The following SLC9A4 variants were observed in gnomAD, a reference collection of about 807,000 sequenced individuals.
SLC9A4 encodes the protein solute carrier family 9 member A4.
In SLC9A4, 63 loss-of-function variants were observed where a neutral mutation model predicts 67.4. The ratio of observed to expected loss-of-function variants is 0.93; its 90% confidence interval spans 0.76 to 1.15. The LOEUF is 1.15. Among genes scored for constraint, SLC9A4 ranks in the 50% most tolerant of loss-of-function variants. The pLI is 0.00. For missense variants in SLC9A4, 1,089 were observed against 987.7 expected (o/e 1.10, Z -1.38); for synonymous variants, 393 against 367.2 (o/e 1.07, Z -0.80).
intron 4 of SLC9A4, among the ~76,000 whole-genome samples, chr2:102,507,211 A>G (rs1171162545): frequency 2.0e-5 from 3 of 152,234 alleles, no homozygotes; most frequent in East Asian, 1.9e-4. Flanking sequence ...CAATATTTTA[A>G]AAAGTAAATT....
chr2:102,523,323 G>A (rs1302580962), intron 9 of SLC9A4, among the ~76,000 whole-genome samples: 1 of 152,028 alleles, frequency 6.6e-6, no homozygotes, highest in Non-Finnish European at 1.5e-5. Context: ...TCTATTTTGT[G>A]AGGGTTACTT....
intron 2 of SLC9A4, among the ~76,000 whole-genome samples, chr2:102,498,297 T>C (rs986829702): frequency 2.6e-5 from 4 of 152,248 alleles, no homozygotes; most frequent in African/African-American, 9.6e-5. Flanking sequence ...CTTAATTATA[T>C]GTACTACTTT....
chr2:102,479,849 C>T (rs1195699716), intron 2 of SLC9A4, among the ~76,000 whole-genome samples: 1 of 152,082 alleles, frequency 6.6e-6, no homozygotes. Context: ...GTGAATGAGG[C>T]GTTTTTGCTT....
intron 2 of SLC9A4, among the ~76,000 whole-genome samples, chr2:102,482,780 A>C (rs1022709993): frequency 3.3e-5 from 5 of 152,326 alleles, no homozygotes; most frequent in African/African-American, 9.6e-5. Context: ...TTCATAAATT[A>C]TTACAGAGGT....
In SLC9A4 at chr2:102,532,494, G is replaced by T. The variant is rs1385728811; in HGVS notation, c.2203G>T (p.Glu735Ter). Residue 735 changes from glutamate (E) to a stop codon, truncating the protein, a stop_gained, in exon 12 of 12, where the codon GAG becomes TAG. Coordinates refer to ENST00000295269, the MANE Select transcript of SLC9A4 (RefSeq NM_001011552.4). LOFTEE classifies it low-confidence loss of function (END_TRUNC). ...FGYQRNTSQE[E>*]YLGGVRRVAL... is the part of the protein sequence containing the mutation. The stretch of plus-strand genomic sequence containing the variant: ...TTATCAAAGAAACACAAGCCAAGAA[G>T]AGTACTTGGGTGGAGTAAGGAGGGT... 6.2e-7 allele frequency: 1 copy of T among 1,614,188 alleles called. No individual in the cohort carries two copies. Among genetic ancestry groups the T allele is most frequent in the South Asian group, 1.1e-5 (1 of 91,076 alleles).
intron 11 of SLC9A4, 48 bp from the exon 12 acceptor site, chr2:102,532,282 T>C: frequency 6.4e-7 from 1 of 1,557,304 alleles, no homozygotes; most frequent in Non-Finnish European, 8.7e-7. Context: ...GTCTTAACTC[T>C]GATCTTAAGT....
intron 8 of SLC9A4, among the ~76,000 whole-genome samples, chr2:102,519,356 AT>A (rs1310666796): frequency 3.9e-5 from 6 of 152,236 alleles, no homozygotes; most frequent in Non-Finnish European, 8.8e-5. Context: ...ATAAATGCTA[AT>A]CAAAATGTGG....
chr2:102,481,927 TAC>T (rs1684473438), intron 2 of SLC9A4, among the ~76,000 whole-genome samples: 2 of 151,968 alleles, frequency 1.3e-5, no homozygotes. Flanking sequence ...GCAACAATAG[TAC>T]AGAGAGGAAA....
intron 2 of SLC9A4, among the ~76,000 whole-genome samples, chr2:102,498,771 G>A (rs1684861900): frequency 6.6e-6 from 1 of 152,040 alleles, no homozygotes; most frequent in Non-Finnish European, 1.5e-5. Context: ...CAAATACTCA[G>A]CCCAGGTTTT....
chr2:102,529,549 C>A (rs1674735607), intron 11 of SLC9A4, among the ~76,000 whole-genome samples: 1 of 152,132 alleles, frequency 6.6e-6, no homozygotes. Flanking sequence ...AAATAATAAA[C>A]CATGATACAT....
intron 8 of SLC9A4, among the ~76,000 whole-genome samples, chr2:102,516,377 T>C (rs1263008932): frequency 6.6e-6 from 1 of 152,190 alleles, no homozygotes; most frequent in Non-Finnish European, 1.5e-5. Flanking sequence ...TCATCAGAAA[T>C]CTGTAGGACG....
At chr2:102,503,962 A>G (rs1359946115) in intron 3 of SLC9A4, among the ~76,000 whole-genome samples, 1 of 152,214 alleles carries the variant, frequency 6.6e-6, no homozygotes, top group Non-Finnish European at 1.5e-5. Flanking sequence ...TCAATTTAGA[A>G]GGCTCAGGAA....
At chr2:102,526,606 A>G (rs1674670652) in intron 11 of SLC9A4, among the ~76,000 whole-genome samples, 1 of 152,152 alleles carries the variant, frequency 6.6e-6, no homozygotes, top group Admixed American at 6.6e-5. Context: ...TGTACTAACC[A>G]TTTGTAGTTG....
chr2:102,509,002 G>A, intron 6 of SLC9A4, 69 bp downstream of exon 6: 6 of 1,294,982 alleles, frequency 4.6e-6, no homozygotes, highest in Non-Finnish European at 6.6e-6. Flanking sequence ...TGAGACATGT[G>A]CACGTGTCAC....
At position 102,479,297 on chromosome 2, in the gene SLC9A4, A is replaced by C. The variant is rs763128592; in HGVS notation, c.715A>C (p.Thr239Pro). Residue 239 changes from threonine (T) to proline (P), a missense_variant, in exon 2 of 12, where the codon ACT (threonine) becomes CCT (proline). By Grantham distance (38) the Thr-to-Pro change is conservative. Coordinates refer to ENST00000295269, the MANE Select transcript of SLC9A4 (RefSeq NM_001011552.4). ...GGAGGCCCTGCTCAATGATGGCATT[A>C]CTGTGGTGAGATGTCATGTGCCCGC... is the stretch of plus-strand genomic sequence containing the variant. ...FGEALLNDGI[T>P]VVLYNMLIAF... 6.2e-7 allele frequency: 1 copy of C among 1,606,932 alleles called. No homozygotes were observed.
rs147920382 is a variant in SLC9A4 at position 102,524,556 on chromosome 2, T to TTGTGTGTGTGTGTGTGTG, written c.1819-456_1819-439dup. On this transcript the variant is annotated intron_variant, in intron 9 of 11. Transcript: ENST00000295269. ...GAATTGATGATAATGGTGATAGGAA[T>TTGTGTGTGTGTGTGTGTG]TGTGTGTGTGTGTGTGTGTGTGTGT... Among the ~76,000 whole-genome samples the TTGTGTGTGTGTGTGTGTG allele has an allele frequency of 4.4e-3, 636 of 145,504 alleles. 5 individuals are homozygous for TTGTGTGTGTGTGTGTGTG. Among genetic ancestry groups the TTGTGTGTGTGTGTGTGTG allele is most frequent in the East Asian group, 0.042 (208 of 4,996 alleles).
At chr2:102,506,667 C>G (rs764119317) in intron 4 of SLC9A4, among the ~76,000 whole-genome samples, 18 of 152,066 alleles carry the variant, frequency 1.2e-4, no homozygotes, top group Non-Finnish European at 4.4e-5. Context: ...TTCTTAGTTC[C>G]CTTTCAGTTC....
At chr2:102,517,740 ATAAG>A (rs1391295229) in intron 8 of SLC9A4, among the ~76,000 whole-genome samples, 1 of 152,256 alleles carries the variant, frequency 6.6e-6, no homozygotes, top group Non-Finnish European at 1.5e-5. Context: ...AATATAAAAG[ATAAG>A]TAAGAAGAGT....
At chr2:102,516,835 G>C (rs1685285858) in intron 8 of SLC9A4, among the ~76,000 whole-genome samples, 1 of 152,054 alleles carries the variant, frequency 6.6e-6, no homozygotes, top group Non-Finnish European at 1.5e-5. Context: ...AAGTGTTGAA[G>C]CCTTACACAT....
Sources: allele counts gnomAD v4.1 joint callset (sites outside exome capture counted in the v4.1 genomes callset), GRCh38; gene constraint gnomAD v4.1.1; transcripts MANE v1.5; gene names NCBI Gene and HGNC (gene_info 2026-07-23, HGNC 2026-07-21).